EIF2AK3: variants seen among roughly 807,000 people sequenced by gnomAD.
EIF2AK3 encodes the protein eukaryotic translation initiation factor 2 alpha kinase 3, also known as eukaryotic translation initiation factor 2-alpha kinase 3.
EIF2AK3 carries 50 observed loss-of-function variants against 113.5 expected under a neutral mutation model. The ratio of observed to expected loss-of-function variants is 0.44; its 90% CI spans 0.35 to 0.56. EIF2AK3 has a LOEUF of 0.56. EIF2AK3 is among the 20% of genes least tolerant of loss of function. EIF2AK3 has a pLI of 0.00. For synonymous variants in EIF2AK3, 448 were observed against 495.4 expected (o/e 0.90, Z 1.27); for missense variants, 1,185 against 1,378.0 (o/e 0.86, Z 2.22).
At chr2:88,588,377 T>C (rs1674793113) in intron 7 of EIF2AK3, among the ~76,000 whole-genome samples, 1 of 152,224 alleles carries the variant, frequency 6.6e-6, no homozygotes, top group Admixed American at 6.5e-5. Flanking sequence ...AAGAAGTAGG[T>C]GCACAGTATT....
At chr2:88,559,510 C>CTGTG (rs141821640) in intron 15 of EIF2AK3, among the ~76,000 whole-genome samples, 31,287 of 141,192 alleles carry the variant, frequency 0.22, 5,261 homozygotes, top group African/African-American at 0.48. Flanking sequence ...ACCAAGATGA[C>CTGTG]TGTGTGTGTG....
intron 1 of EIF2AK3, among the ~76,000 whole-genome samples, chr2:88,618,945 TTTTTC>T (rs1459004085): frequency 6.6e-6 from 1 of 151,904 alleles, no homozygotes; most frequent in African/African-American, 2.4e-5. Flanking sequence ...ATTCTGGACA[TTTTTC>T]TTTCCTGGTT....
chr2:88,576,508 A>G (rs1674461374), intron 12 of EIF2AK3, 46 bp downstream of exon 12: 1 of 1,611,950 alleles, frequency 6.2e-7, no homozygotes, highest in Non-Finnish European at 8.5e-7. Flanking sequence ...TTGTAATCAC[A>G]CAAGCAAAAA....
rs547016219 is a variant in EIF2AK3 at position 88,574,750 on chromosome 2, C to T, written c.2733G>A (p.Arg911=). 4 of 1,614,120 alleles carry T rather than the reference C, an allele frequency of 2.5e-6. No homozygotes were observed. The highest frequency in any genetic ancestry group is 4.5e-5 in the East Asian group (2 of 44,884). The part of the protein sequence containing the change: ...NGRCTIEERE[R]SVCLHIFLQI... ...GCAGGAAGATGTGCAGACACACGCT[C>T]CTCTCTCTCTCCTCTATGGTACATC... is the stretch of plus-strand genomic sequence containing the variant. The change falls in exon 13 of 17, where the codon AGG becomes AGA. Residue 911 remains arginine, a synonymous_variant. Coordinates refer to ENST00000303236, the MANE Select transcript of EIF2AK3 (RefSeq NM_004836.7).
In EIF2AK3 at chr2:88,586,069, TA is replaced by T; in HGVS notation, c.1430-9del. ...GTAGATAATAACCATTATCTTCAAA[TA>T]GAAACATTAAAACGTTTTTTTTAAA... is the stretch of plus-strand genomic sequence containing the variant. On this transcript the variant is annotated splice_polypyrimidine_tract_variant and intron_variant, in intron 8 of 16. Transcript: ENST00000303236. 6.2e-7 allele frequency: 1 copy of T among 1,611,256 alleles called. No homozygotes were observed. Among genetic ancestry groups the T allele is most frequent in the South Asian group, 1.1e-5 (1 of 90,940 alleles).
intron 16 of EIF2AK3, among the ~76,000 whole-genome samples, chr2:88,558,148 C>T (rs1469963582): frequency 6.6e-6 from 1 of 152,060 alleles, no homozygotes; most frequent in Non-Finnish European, 1.5e-5. Context: ...GGCTGTGTTC[C>T]AATAGAACTT....
At chr2:88,610,891 C>CA (rs932718450) in intron 2 of EIF2AK3, among the ~76,000 whole-genome samples, 14 of 145,982 alleles carry the variant, frequency 9.6e-5, no homozygotes, top group Middle Eastern at 3.4e-3. Flanking sequence ...TCTGTCTCCA[C>CA]AAAAAAAAAA....
intron 14 of EIF2AK3, among the ~76,000 whole-genome samples, chr2:88,566,595 G>T (rs930583165): frequency 3.9e-5 from 6 of 152,084 alleles, no homozygotes; most frequent in African/African-American, 1.4e-4. Context: ...TGCCATGGTG[G>T]TTTGCTGCAC....
At chr2:88,585,403 TCCAGAGAAACAGATTTGGGAA>T (rs568246720) in intron 9 of EIF2AK3, among the ~76,000 whole-genome samples, 13 of 151,978 alleles carry the variant, frequency 8.6e-5, no homozygotes, top group Non-Finnish European at 4.4e-5. Context: ...AGATAGCTGT[TCCAGAGAAACAGATTTGGGAA>T]CCATTAGTAT....
At chr2:88,590,311 AGGGC>A in intron 6 of EIF2AK3, 128 bp downstream of exon 6, 1 of 900,380 alleles carries the variant, frequency 1.1e-6, no homozygotes, top group Non-Finnish European at 1.7e-6. Context: ...ATAAATCTCA[AGGGC>A]AACGTACATC....
chr2:88,606,663 T>C (rs963032729), intron 2 of EIF2AK3, among the ~76,000 whole-genome samples: 9 of 152,250 alleles, frequency 5.9e-5, no homozygotes, highest in African/African-American at 2.2e-4. Flanking sequence ...ACAGATCCTC[T>C]TTTAATAAAT....
chr2:88,584,865 C>T (rs1271024937), intron 9 of EIF2AK3, among the ~76,000 whole-genome samples: 1 of 152,026 alleles, frequency 6.6e-6, no homozygotes, highest in African/African-American at 2.4e-5. Flanking sequence ...AGCCTAGTGG[C>T]TGAGCACGGT....
At chr2:88,569,114 C>G (rs1042343282) in intron 14 of EIF2AK3, among the ~76,000 whole-genome samples, 2 of 152,164 alleles carry the variant, frequency 1.3e-5, no homozygotes, top group African/African-American at 4.8e-5. Context: ...TGGTCTCGAA[C>G]TCCTGGCCTC....
At chr2:88,593,821 T>C (rs1339170381) in intron 3 of EIF2AK3, 1 of 867,500 alleles carries the variant, frequency 1.2e-6, no homozygotes, top group Non-Finnish European at 1.4e-6. Flanking sequence ...TCTGAGAGCT[T>C]TTTGTATTCA....
In EIF2AK3 at chr2:88,627,045, G is replaced by A. The variant is rs1323254419; in HGVS notation, c.230C>T (p.Ala77Val). The A allele has an allele frequency of 1.3e-6, 2 of 1,599,216 alleles. No individual in the cohort carries two copies. Among genetic ancestry groups the A allele is most frequent in the Non-Finnish European group, 1.7e-6 (2 of 1,177,458 alleles). Residue 77 changes from alanine (A) to valine (V), a missense_variant, in exon 1 of 17, where the codon GCG becomes GTG. Physicochemically the swap from Ala to Val is moderately conservative, Grantham distance 64. Around this residue, in one of 3 missense-constraint regions of EIF2AK3, gnomAD observed 189 missense variants for 175.2 expected, o/e 1.08. Transcript: ENST00000303236. Reference protein sequence around the residue: ...AAEVTVEDAEALPAAAGEQEP... With the variant: ...AAEVTVEDAEVLPAAAGEQEP... ...CTGCTCTCCCGCGGCTGCCGGCAGC[G>A]CCTCAGCGTCCTCCACAGTCACCTC...
intron 1 of EIF2AK3, among the ~76,000 whole-genome samples, chr2:88,618,863 T>C (rs1197059226): frequency 1.3e-5 from 2 of 152,116 alleles, no homozygotes; most frequent in Non-Finnish European, 1.5e-5. Context: ...TTTTCAATGG[T>C]TTCCTAACTG....
chr2:88,627,225 AGCAG>A lies in EIF2AK3; in HGVS notation c.46_49del (p.Leu16CysfsTer54). 6.8e-7 allele frequency: 1 copy of A among 1,476,142 alleles called. No individual in the cohort carries two copies. Among genetic ancestry groups the A allele is most frequent in the Admixed American group, 2.3e-5 (1 of 43,204 alleles). The allele number at this position is 1,476,142 out of a possible 1,614,324, so 91.4% of individuals were successfully genotyped here. A position where few individuals can be genotyped will look rare whatever the true frequency, so the allele number is the denominator to read the frequency against. On this transcript the variant is annotated frameshift_variant, in exon 1 of 17. Coordinates refer to ENST00000303236, the MANE Select transcript of EIF2AK3 (RefSeq NM_004836.7). LOFTEE classifies it high-confidence loss of function. ...TGCCGCGAGCCCCAGCAGCAGCAGC[AGCAG>A]CAGCAGCGCCCGTACCAGCAGCCCC...
chr2:88,588,984 G>T, intron 6 of EIF2AK3, 83 bp from the exon 7 acceptor site: 1 of 1,480,466 alleles, frequency 6.8e-7, no homozygotes, highest in Non-Finnish European at 9.3e-7. Context: ...ATTAATTCCA[G>T]TTATTTCTAC....
intron 13 of EIF2AK3, among the ~76,000 whole-genome samples, chr2:88,572,037 T>C (rs1419268977): frequency 6.6e-6 from 1 of 152,190 alleles, no homozygotes; most frequent in Non-Finnish European, 1.5e-5. Context: ...CTCATGAAAT[T>C]GAATTTCATC....
Sources: allele counts gnomAD v4.1 joint callset (sites outside exome capture counted in the v4.1 genomes callset), GRCh38; gene constraint gnomAD v4.1.1; regional missense constraint gnomAD v4.1.1; transcripts MANE v1.5; gene names NCBI Gene and HGNC (gene_info 2026-07-23, HGNC 2026-07-21).